Variants in DNER observed in about 807,000 individuals in gnomAD.
DNER encodes delta and Notch-like epidermal growth factor-related receptor.
A neutral mutation model predicts 78.2 loss-of-function variants in DNER; 33 were observed. That is an observed-to-expected ratio of 0.42 (90% CI 0.32 to 0.56). The LOEUF (loss-of-function observed/expected upper bound fraction) is 0.56. Ranked by LOEUF, DNER falls within the 20% of genes least tolerant of loss-of-function variation. The probability of loss-of-function intolerance (pLI) is 0.11; values close to 1 mark genes in which losing one functional copy is unlikely to be tolerated. For missense variants in DNER, 918 were observed against 975.3 expected (o/e 0.94, Z 0.78); for synonymous variants, 417 against 384.8 (o/e 1.08, Z -0.98).
intron 5 of DNER, among the ~76,000 whole-genome samples, chr2:229,527,726 C>CT (rs925123806): frequency 6.6e-6 from 1 of 152,042 alleles, no homozygotes; most frequent in African/African-American, 2.4e-5. Flanking sequence ...TTCATAATAA[C>CT]TTTTTTTTAA....
intron 6 of DNER, among the ~76,000 whole-genome samples, chr2:229,497,235 A>G (rs1409655451): frequency 1.3e-5 from 2 of 152,188 alleles, no homozygotes; most frequent in Admixed American, 1.3e-4. Context: ...AGAAAAATGT[A>G]AAAATATCTT....
chr2:229,707,133 C>A (rs1699841105), intron 1 of DNER, among the ~76,000 whole-genome samples: 1 of 151,636 alleles, frequency 6.6e-6, no homozygotes, highest in African/African-American at 2.4e-5. Context: ...CCTGCCTCAG[C>A]CTCCTGAGTA....
intron 6 of DNER, among the ~76,000 whole-genome samples, chr2:229,489,383 G>A (rs1315256684): frequency 1.3e-5 from 2 of 152,314 alleles, no homozygotes; most frequent in East Asian, 1.9e-4. Flanking sequence ...CAAGTGAGGA[G>A]GGAGATGATG....
intron 4 of DNER, among the ~76,000 whole-genome samples, chr2:229,579,330 C>T (rs929510445): frequency 2.0e-5 from 3 of 152,182 alleles, no homozygotes; most frequent in African/African-American, 7.2e-5. Flanking sequence ...TCCAGACTAC[C>T]ACAGTGCTTG....
intron 1 of DNER, among the ~76,000 whole-genome samples, chr2:229,606,657 C>G (rs1168572996): frequency 6.6e-6 from 1 of 152,042 alleles, no homozygotes; most frequent in Non-Finnish European, 1.5e-5. Flanking sequence ...CTTTGGGAGG[C>G]CAAGGCAGGA....
At chr2:229,500,262 A>G (rs1347850736) in intron 6 of DNER, among the ~76,000 whole-genome samples, 2 of 152,150 alleles carry the variant, frequency 1.3e-5, no homozygotes, top group East Asian at 3.9e-4. Flanking sequence ...AAAGACATAC[A>G]AATGGCCAAC....
chr2:229,686,431 C>T (rs753970145), intron 1 of DNER, among the ~76,000 whole-genome samples: 6 of 152,200 alleles, frequency 3.9e-5, no homozygotes, highest in Non-Finnish European at 1.5e-5. Flanking sequence ...AGGAAAGACA[C>T]AGCTCTGGCC....
At chr2:229,538,288 T>C (rs1448812085) in intron 5 of DNER, among the ~76,000 whole-genome samples, 1 of 152,252 alleles carries the variant, frequency 6.6e-6, no homozygotes, top group Middle Eastern at 3.2e-3. Flanking sequence ...CATCACTCTC[T>C]GACTCAAAAA....
At position 229,588,407 on chromosome 2, in the gene DNER, T is replaced by C; in HGVS notation, c.667A>G (p.Asn223Asp). 6.2e-7 allele frequency: 1 copy of C among 1,613,978 alleles called. No homozygotes were observed. The highest frequency in any genetic ancestry group is 8.5e-7 in the Non-Finnish European group (1 of 1,179,942). ...GAATTTTCTTACTTGACTGAGGTGTTCTGTGGCACTTCAAAGGATACCAGG... is the reference window on the plus strand; with the variant it reads ...GAATTTTCTTACTTGACTGAGGTGTCCTGTGGCACTTCAAAGGATACCAGG... ...GRLVSFEVPQNTSVKIRQDAT... is the reference protein window; with the variant it reads ...GRLVSFEVPQDTSVKIRQDAT... The change falls in exon 3 of 13, where the codon AAC becomes GAC. Residue 223 changes from asparagine (N) to aspartate (D), a missense_variant. Transcript: ENST00000341772.
intron 1 of DNER, among the ~76,000 whole-genome samples, chr2:229,657,379 AT>A (rs1698930366): frequency 6.6e-6 from 1 of 152,160 alleles, no homozygotes; most frequent in Non-Finnish European, 1.5e-5. Flanking sequence ...TTCTTTATCC[AT>A]TCACCTGTCA....
intron 4 of DNER, among the ~76,000 whole-genome samples, chr2:229,569,604 T>G (rs1697179541): frequency 6.6e-6 from 1 of 152,222 alleles, no homozygotes; most frequent in African/African-American, 2.4e-5. Flanking sequence ...CATCTGCACA[T>G]CTTCTGATAT....
Position 229,511,070 on chromosome 2 carries a change from G to A in DNER, c.1147+1713C>T, listed in dbSNP as rs1188341698. On this transcript the variant is annotated intron_variant, in intron 6 of 12. Transcript: ENST00000341772. Reference sequence around the variant, plus strand: ...CCTATGATTTGATAAAGTTTAGGTGGGAATAGATAAGTAAATGAATTTCAC... The same window carrying A: ...CCTATGATTTGATAAAGTTTAGGTGAGAATAGATAAGTAAATGAATTTCAC... 2.0e-5 allele frequency among the ~76,000 whole-genome samples: 3 copies of A among 152,224 alleles called. No homozygotes were observed. In the East Asian group the frequency reaches 5.8e-4, roughly 29 times the overall value.
intron 6 of DNER, among the ~76,000 whole-genome samples, chr2:229,505,991 G>T (rs907269101): frequency 1.3e-5 from 2 of 152,138 alleles, no homozygotes; most frequent in African/African-American, 4.8e-5. Context: ...TTTAATAGAA[G>T]ACATAACAGA....
At chr2:229,477,798 T>C (rs1288031557) in intron 6 of DNER, among the ~76,000 whole-genome samples, 1 of 152,230 alleles carries the variant, frequency 6.6e-6, no homozygotes, top group African/African-American at 2.4e-5. Flanking sequence ...GCAAACAGAA[T>C]GCTAAGCACA....
At chr2:229,610,752 C>T (rs766402197) in intron 1 of DNER, among the ~76,000 whole-genome samples, 1 of 152,236 alleles carries the variant, frequency 6.6e-6, no homozygotes, top group Non-Finnish European at 1.5e-5. Context: ...TTTCATGATA[C>T]TTATGCATCT....
chr2:229,571,799 C>T (rs900761231), intron 4 of DNER, among the ~76,000 whole-genome samples: 3 of 152,138 alleles, frequency 2.0e-5, no homozygotes, highest in Non-Finnish European at 2.9e-5. Context: ...GTACTTCCCT[C>T]ACACACAAGC....
rs554085716 is a variant in DNER, at chr2:229,522,023, TA to T, written c.994-9088del. 1.7e-3 allele frequency among the ~76,000 whole-genome samples: 252 copies of T among 147,918 alleles called. 1 individual carries two copies. The South Asian group carries it at 0.018, about 11-fold the overall frequency. On this transcript the variant is annotated intron_variant, in intron 5 of 12. Coordinates refer to ENST00000341772, the MANE Select transcript of DNER (RefSeq NM_139072.4). ...TAATTGCAAATGTTGTAGCTTATTA[TA>T]AAAAAAAAAGACAAGCGTAGAAACA...
intron 6 of DNER, among the ~76,000 whole-genome samples, chr2:229,484,645 T>C (rs1229705411): frequency 6.6e-6 from 1 of 152,174 alleles, no homozygotes; most frequent in Non-Finnish European, 1.5e-5. Context: ...CAGGAGACTT[T>C]ATGTATTGTT....
chr2:229,399,303 T>TACACAC (rs35817615), intron 10 of DNER, among the ~76,000 whole-genome samples: 13 of 149,584 alleles, frequency 8.7e-5, no homozygotes, highest in Non-Finnish European at 1.8e-4. Context: ...AAATACACCA[T>TACACAC]ACACACACAC....
Sources: allele counts gnomAD v4.1 joint callset (sites outside exome capture counted in the v4.1 genomes callset), GRCh38; gene constraint gnomAD v4.1.1; transcripts MANE v1.5; gene names NCBI Gene and HGNC (gene_info 2026-07-23, HGNC 2026-07-21).